DCAF10: variants seen among roughly 807,000 people sequenced by gnomAD.
DCAF10 encodes DDB1- and CUL4-associated factor 10.
DCAF10 carries 19 observed loss-of-function variants against 51.9 expected under a neutral mutation model. That is an observed-to-expected ratio of 0.37 (90% CI 0.26 to 0.54). The LOEUF is 0.54. Among genes scored for constraint, DCAF10 ranks in the 20% least tolerant of loss-of-function variants. The pLI, the probability that DCAF10 is intolerant of heterozygous loss-of-function variation, is 0.87. For synonymous variants in DCAF10, 291 were observed against 297.1 expected, an observed-to-expected ratio of 0.98 and a Z score of 0.21; for missense variants, 510 against 730.6, an observed-to-expected ratio of 0.70 and a Z score of 3.48.
intron 1 of DCAF10, among the ~76,000 whole-genome samples, chr9:37,804,786 AAGT>A (rs931848785): frequency 6.6e-5 from 10 of 152,048 alleles, no homozygotes; most frequent in South Asian, 2.1e-4. Context: ...AAAAAAAAAA[AAGT>A]AGAGAAAAAA....
chr9:37,840,328 T>C (rs1348078573), intron 2 of DCAF10, among the ~76,000 whole-genome samples: 2 of 152,164 alleles, frequency 1.3e-5, no homozygotes, highest in Non-Finnish European at 2.9e-5. Flanking sequence ...GAGAAGCCAT[T>C]GTTATCAGGA....
intron 2 of DCAF10, among the ~76,000 whole-genome samples, chr9:37,831,228 A>G (rs903467122): frequency 9.2e-5 from 14 of 152,078 alleles, no homozygotes; most frequent in Admixed American, 2.0e-4. Context: ...AAAAAAAAGA[A>G]AGTTTTGAGT....
intron 2 of DCAF10, 124 bp from the exon 3 acceptor site, chr9:37,841,965 T>C (rs1179909956): frequency 2.5e-6 from 2 of 791,146 alleles, no homozygotes; most frequent in Non-Finnish European, 3.9e-6. Flanking sequence ...TGGGTTTACA[T>C]AGTGAGTGTG....
At chr9:37,825,674 A>G (rs1012681137) in intron 2 of DCAF10, among the ~76,000 whole-genome samples, 2 of 152,274 alleles carry the variant, frequency 1.3e-5, no homozygotes, top group African/African-American at 4.8e-5. Flanking sequence ...AACCTCTATG[A>G]CACAAGTTTA....
In DCAF10 at chr9:37,857,357, T is replaced by C. The variant is rs375334431; in HGVS notation, c.1165+6T>C. ...ACGAGCCTCTCAAAGAGAAGGTAGG[T>C]TAAAAGTTGGATTTTATAATCTTGT... On this transcript the variant is annotated splice_donor_region_variant and intron_variant, in intron 5 of 6. Transcript: ENST00000377724. 58 of 1,584,742 alleles carry C rather than the reference T, an allele frequency of 3.7e-5. No homozygotes were observed. Among genetic ancestry groups the C allele is most frequent in the Non-Finnish European group, 4.7e-5 (55 of 1,167,324 alleles).
intron 3 of DCAF10, among the ~76,000 whole-genome samples, chr9:37,849,529 T>G (rs1830571341): frequency 6.6e-6 from 1 of 152,122 alleles, no homozygotes; most frequent in Non-Finnish European, 1.5e-5. Flanking sequence ...GGGAGGACTG[T>G]GTGAGCCCAG....
chr9:37,840,539 T>C (rs12347332), intron 2 of DCAF10, among the ~76,000 whole-genome samples: 29,070 of 152,182 alleles, frequency 0.19, 3,171 homozygotes, highest in African/African-American at 0.29. Flanking sequence ...AAAGAAAATA[T>C]TTTTGTACAG....
intron 6 of DCAF10, chr9:37,860,480 T>C: frequency 3.4e-6 from 1 of 293,752 alleles, no homozygotes; most frequent in East Asian, 6.0e-5. Flanking sequence ...TCTTGCCTCT[T>C]TCATCTCACC....
At chr9:37,821,830 C>A (rs779974351) in intron 2 of DCAF10, among the ~76,000 whole-genome samples, 1 of 151,880 alleles carries the variant, frequency 6.6e-6, no homozygotes, top group South Asian at 2.1e-4. Flanking sequence ...AACAGACAAC[C>A]CACAGAGTGG....
At position 37,801,186 on chromosome 9, in the gene DCAF10, G is replaced by A. The variant is rs532027208; in HGVS notation, c.320G>A (p.Arg107Gln). The change falls in exon 1 of 7, where the codon CGG (arginine) becomes CAG (glutamine). Residue 107 changes from arginine to glutamine, a missense_variant. Physicochemically the swap from Arg to Gln is conservative, Grantham distance 43. Coordinates refer to ENST00000377724, the MANE Select transcript of DCAF10 (RefSeq NM_024345.5). The surrounding 1 kb of genome is among the most constrained non-coding windows in gnomAD (Gnocchi z 5.5). ...GGGCCAGACTGCAGGGCCAAGAGCC[G>A]GGGCCGACACGGCCTCGGCGCGGGC... is the stretch of plus-strand genomic sequence containing the variant. ...RPGPDCRAKS[R>Q]GRHGLGAGLG... 2.6e-6 allele frequency: 4 copies of A among 1,544,320 alleles called. No homozygotes were observed. The South Asian group carries it at 3.6e-5, about 14-fold the overall frequency.
chr9:37,852,650 C>T (rs1204261773), intron 3 of DCAF10, among the ~76,000 whole-genome samples: 1 of 152,032 alleles, frequency 6.6e-6, no homozygotes, highest in Non-Finnish European at 1.5e-5. Flanking sequence ...GTGGCTCACG[C>T]CTATAATCCC....
chr9:37,818,900 G>A (rs1032769333), intron 1 of DCAF10, among the ~76,000 whole-genome samples: 16 of 152,180 alleles, frequency 1.1e-4, no homozygotes, highest in Non-Finnish European at 2.1e-4. Context: ...CCTGTGTCAT[G>A]TACATTTAAG....
chr9:37,847,366 T>C (rs191346875), intron 3 of DCAF10, among the ~76,000 whole-genome samples: 17 of 151,976 alleles, frequency 1.1e-4, no homozygotes, highest in Admixed American at 6.6e-4. Flanking sequence ...ATATAAACAT[T>C]TTTATGTCAT....
At chr9:37,850,263 A>G (rs1830594210) in intron 3 of DCAF10, among the ~76,000 whole-genome samples, 1 of 152,180 alleles carries the variant, frequency 6.6e-6, no homozygotes, top group Non-Finnish European at 1.5e-5. Flanking sequence ...TATAAATCCA[A>G]CAATCCTTCT....
At chr9:37,813,670 G>A (rs1829422393) in intron 1 of DCAF10, among the ~76,000 whole-genome samples, 1 of 152,134 alleles carries the variant, frequency 6.6e-6, no homozygotes, top group Non-Finnish European at 1.5e-5. Context: ...GTTAATATCA[G>A]ACAACACAAA....
chr9:37,859,880 TCACA>T (rs1229610681), intron 5 of DCAF10, among the ~76,000 whole-genome samples, 164 bp from the exon 6 acceptor site: 1 of 152,132 alleles, frequency 6.6e-6, no homozygotes, highest in Non-Finnish European at 1.5e-5. Context: ...CCGCCAAAAC[TCACA>T]CACCATACAT....
chr9:37,845,141 A>G (rs548300096), intron 3 of DCAF10, among the ~76,000 whole-genome samples: 2 of 152,348 alleles, frequency 1.3e-5, no homozygotes, highest in Non-Finnish European at 2.9e-5. Flanking sequence ...AAGAAATCAT[A>G]CTGAAGACAG....
chr9:37,814,127 T>TATATATA (rs1554685262), intron 1 of DCAF10, among the ~76,000 whole-genome samples: 188 of 100,516 alleles, frequency 1.9e-3, no homozygotes, highest in South Asian at 2.8e-3. Flanking sequence ...TATATATATA[T>TATATATA]TTGTTGTTGT....
At chr9:37,847,915 C>T (rs1158927314) in intron 3 of DCAF10, among the ~76,000 whole-genome samples, 2 of 151,932 alleles carry the variant, frequency 1.3e-5, no homozygotes, top group Non-Finnish European at 2.9e-5. Flanking sequence ...GGGTAAAATA[C>T]ATAGGAATAA....
Sources: allele counts gnomAD v4.1 joint callset (sites outside exome capture counted in the v4.1 genomes callset), GRCh38; gene constraint gnomAD v4.1.1; non-coding constraint Gnocchi (gnomAD v3.1); transcripts MANE v1.5; gene names NCBI Gene and HGNC (gene_info 2026-07-23, HGNC 2026-07-21).